Variants in MYT1 observed in about 807,000 individuals in gnomAD.
The protein encoded by MYT1 is myelin transcription factor 1.
In MYT1, 23 loss-of-function variants were observed where a neutral mutation model predicts 123.0. The observed-to-expected ratio is 0.19, with a 90% confidence interval of 0.13 to 0.26. MYT1 has a LOEUF of 0.26. Among genes scored for constraint, MYT1 ranks in the 10% least tolerant of loss-of-function variants. The pLI, the probability that MYT1 is intolerant of heterozygous loss-of-function variation, is 1.00. For synonymous variants in MYT1, 518 were observed against 575.3 expected (o/e 0.90, Z 1.43); for missense variants, 1,125 against 1,472.5 (o/e 0.76, Z 3.86).
chr20:64,200,687 G>A (rs1042990468), intron 4 of MYT1, among the ~76,000 whole-genome samples: 5 of 152,222 alleles, frequency 3.3e-5, no homozygotes, highest in African/African-American at 1.2e-4. Context: ...GGAAGGTCAT[G>A]GAAGCACTGC....
Position 64,208,576 on chromosome 20 carries a change from CAG to C in MYT1, c.1291+90_1291+91del. 1 of 1,482,008 alleles carries C rather than the reference CAG, an allele frequency of 6.7e-7. No homozygotes were observed. Among genetic ancestry groups the C allele is most frequent in the Non-Finnish European group, 8.9e-7 (1 of 1,118,080 alleles). 91.8% of individuals were successfully genotyped at this position (1,482,008 alleles called of 1,614,324 possible). A position where few individuals can be genotyped will look rare whatever the true frequency, so the allele number is the denominator to read the frequency against. On this transcript the variant is annotated intron_variant, in intron 7 of 22. Coordinates refer to ENST00000328439, the MANE Select transcript of MYT1 (RefSeq NM_004535.3). The surrounding 1 kb of genome is among the most constrained non-coding windows in gnomAD (Gnocchi z 5.4). ...ATGCAGGCTGAGAGCCCTTCTAGGA[CAG>C]GGGGCTGGGGGATGGCAGAAAAGCA...
intron 19 of MYT1, among the ~76,000 whole-genome samples, chr20:64,236,326 C>T (rs1984540962): frequency 7.0e-6 from 1 of 142,460 alleles, no homozygotes; most frequent in South Asian, 2.2e-4. Context: ...GGTGGGTGAC[C>T]CTGGGCTGGC....
At chr20:64,214,754 C>T (rs1340671588) in intron 10 of MYT1, among the ~76,000 whole-genome samples, 6 of 152,244 alleles carry the variant, frequency 3.9e-5, no homozygotes, top group East Asian at 3.8e-4. Context: ...TAGGAGACCC[C>T]GGCTGGGGTG....
In MYT1 at chr20:64,218,848, C is replaced by T; in HGVS notation, c.1847-63C>T. On this transcript the variant is annotated intron_variant, in intron 11 of 22. Transcript: ENST00000328439. The surrounding 1 kb of genome is among the most constrained non-coding windows in gnomAD (Gnocchi z 4.0). ...TTTGCAGCCAAACCTTTCCCAAAGG[C>T]CTCTTCCCCCAGGCACAGCCCCTCC... 6.2e-7 allele frequency: 1 copy of T among 1,609,444 alleles called. No individual in the cohort carries two copies. Among genetic ancestry groups the T allele is most frequent in the Non-Finnish European group, 8.5e-7 (1 of 1,179,136 alleles).
rs748923253 is a variant in MYT1 at position 64,240,478 on chromosome 20, C to T, written c.*30C>T. ...TGTGGTACCCAGAAGTGTCCCAGCCCACCACACCGTTTACCTCCCTCGCCC... is the reference window on the plus strand; with the variant it reads ...TGTGGTACCCAGAAGTGTCCCAGCCTACCACACCGTTTACCTCCCTCGCCC... On this transcript the variant is annotated 3_prime_UTR_variant, in exon 23 of 23. Coordinates refer to ENST00000328439, the MANE Select transcript of MYT1 (RefSeq NM_004535.3). The T allele has an allele frequency of 6.2e-7, 1 of 1,603,646 alleles. No individual in the cohort carries two copies. Among genetic ancestry groups the T allele is most frequent in the Non-Finnish European group, 8.5e-7 (1 of 1,175,884 alleles).
intron 20 of MYT1, among the ~76,000 whole-genome samples, chr20:64,237,066 G>A (rs1984574323): frequency 6.6e-6 from 1 of 152,130 alleles, no homozygotes; most frequent in Admixed American, 6.5e-5. Flanking sequence ...CAGCCAGCTC[G>A]GAAGGCAAAC....
chr20:64,205,824 C>A (rs747018754), intron 6 of MYT1, 24 bp downstream of exon 6: 2 of 1,610,398 alleles, frequency 1.2e-6, no homozygotes, highest in African/African-American at 1.3e-5. Context: ...CTTTCTTCCC[C>A]GAATAAAGGG....
At position 64,189,172 on chromosome 20, in the gene MYT1, G is replaced by C. The variant is rs548873301; in HGVS notation, c.-98-891G>C. Among the ~76,000 whole-genome samples, 59 of 152,330 alleles carry C rather than the reference G, an allele frequency of 3.9e-4. No homozygotes were observed. Among genetic ancestry groups the C allele is most frequent in the African/African-American group, 1.3e-3 (55 of 41,580 alleles). ...AAACACGAGGAAAAGAAAGAAAGTG[G>C]GTGGGAATAGCGTGCCTTCGGCAGA... On this transcript the variant is annotated intron_variant, in intron 1 of 22. Transcript: ENST00000328439. The surrounding 1 kb of genome is among the most constrained non-coding windows in gnomAD (Gnocchi z 5.5).
At chr20:64,204,402 G>A (rs1983417684) in intron 4 of MYT1, among the ~76,000 whole-genome samples, 1 of 152,214 alleles carries the variant, frequency 6.6e-6, no homozygotes. Context: ...AGTCTTCCAC[G>A]AGGCAGATGC....
intron 18 of MYT1, among the ~76,000 whole-genome samples, chr20:64,230,613 C>T (rs572770407): frequency 6.6e-6 from 1 of 152,262 alleles, no homozygotes; most frequent in Non-Finnish European, 1.5e-5. Flanking sequence ...CTCTTCCCAG[C>T]CAGTCTGTGC....
At chr20:64,209,190 G>C (rs890932124) in intron 7 of MYT1, among the ~76,000 whole-genome samples, 1 of 152,016 alleles carries the variant, frequency 6.6e-6, no homozygotes, top group African/African-American at 2.4e-5. Context: ...GTCTGAGGAC[G>C]AATCCTGAGT....
In MYT1 at chr20:64,223,369, C is replaced by T. The variant is rs377273611; in HGVS notation, c.2528+10C>T. 6.6e-5 allele frequency: 107 copies of T among 1,613,886 alleles called. 1 individual carries two copies. The highest frequency in any genetic ancestry group is 1.1e-4 in the South Asian group (10 of 91,082). On this transcript the variant is annotated intron_variant, in intron 16 of 22. Transcript: ENST00000328439. ...ACTCTGCTGACCTCAAGTATGTTTG[C>T]GCTCCCTGACCTCCTGTCTCTTGGG... is the stretch of plus-strand genomic sequence containing the variant.
rs367596232 is a variant in MYT1, at chr20:64,200,114, C to G, written c.86+192C>G. ...TGGCCCCATCTCTATCTGTTCTCAC[C>G]TCTGTCCTGGCCCCATCATGTGGCG... On this transcript the variant is annotated intron_variant, in intron 4 of 22. Transcript: ENST00000328439. Among the ~76,000 whole-genome samples the G allele has an allele frequency of 1.7e-3, 263 of 152,328 alleles. 15 individuals are homozygous for G. The South Asian group carries it at 0.053, about 31-fold the overall frequency.
At chr20:64,240,179 A>G (rs1984674401) in intron 22 of MYT1, 141 bp from the exon 23 acceptor site, 1 of 1,231,796 alleles carries the variant, frequency 8.1e-7, no homozygotes, top group Non-Finnish European at 1.1e-6. Flanking sequence ...GGCTGCAGAG[A>G]GGAACGCCCA....
At chr20:64,238,365 A>G (rs2983432) in intron 21 of MYT1, among the ~76,000 whole-genome samples, 31,291 of 151,748 alleles carry the variant, frequency 0.21, 4,045 homozygotes, top group African/African-American at 0.36. Context: ...CACGTGTCTC[A>G]TTACTCTGCT....
intron 12 of MYT1, 129 bp from the exon 13 acceptor site, chr20:64,219,584 T>C: frequency 1.2e-6 from 1 of 807,776 alleles, no homozygotes; most frequent in Non-Finnish European, 2.0e-6. Flanking sequence ...GCTGCCTGTC[T>C]GTCCCCGTTG....
intron 2 of MYT1, among the ~76,000 whole-genome samples, chr20:64,198,421 T>C (rs940108591): frequency 6.6e-6 from 1 of 151,638 alleles, no homozygotes; most frequent in African/African-American, 2.4e-5. Flanking sequence ...TGGCTGAGTC[T>C]GTGGTGAGCG....
chr20:64,194,022 G>T (rs962208705), intron 2 of MYT1, among the ~76,000 whole-genome samples: 1 of 152,082 alleles, frequency 6.6e-6, no homozygotes, highest in Admixed American at 6.6e-5. Flanking sequence ...CAGCCCCTCT[G>T]ACCACGGCTC....
chr20:64,240,882 C>T lies in MYT1; in HGVS notation c.*434C>T, dbSNP rs994190625. The stretch of plus-strand genomic sequence containing the variant: ...GGCCTGGAGGACACGCCTGGGGCAG[C>T]GTGTCTGTGCTCAGTGAGGGCCGAT... On this transcript the variant is annotated 3_prime_UTR_variant, in exon 23 of 23. Transcript: ENST00000328439. 3.6e-5 allele frequency: 6 copies of T among 168,460 alleles called. No individual in the cohort carries two copies. The highest frequency in any genetic ancestry group is 1.2e-4 in the African/African-American group (5 of 41,854). The allele number at this position is 168,460 out of a possible 1,614,324, so 10.4% of individuals were successfully genotyped here.
Sources: allele counts gnomAD v4.1 joint callset (sites outside exome capture counted in the v4.1 genomes callset), GRCh38; gene constraint gnomAD v4.1.1; non-coding constraint Gnocchi (gnomAD v3.1); transcripts MANE v1.5; gene names NCBI Gene and HGNC (gene_info 2026-07-23, HGNC 2026-07-21).